TMEM163: variants seen among roughly 807,000 people sequenced by gnomAD.
TMEM163 encodes transmembrane protein 163.
In TMEM163, 17 loss-of-function variants were observed where a neutral mutation model predicts 29.3. The observed-to-expected ratio is 0.58, with a 90% CI of 0.40 to 0.87. TMEM163 has a LOEUF of 0.87. TMEM163 is among the 40% of genes least tolerant of loss of function. The pLI, the probability that TMEM163 is intolerant of heterozygous loss-of-function variation, is 0.00. For missense variants in TMEM163, 303 were observed against 381.5 expected (o/e 0.79, Z 1.71); for synonymous variants, 157 against 160.6 (o/e 0.98, Z 0.17).
Position 134,582,398 on chromosome 2 carries a change from G to A in TMEM163, c.323-30307C>T, listed in dbSNP as rs758133866. On this transcript the variant is annotated intron_variant, in intron 2 of 7. Transcript: ENST00000281924. ...AGTGCAAGTGCTCTACAAACCGCAC[G>A]CTTTTTGCAAGAGGTTGCAGTTCTC... Among the ~76,000 whole-genome samples the A allele has an allele frequency of 7.2e-5, 11 of 152,318 alleles. 1 individual carries two copies. The South Asian group carries it at 8.3e-4, about 11-fold the overall frequency.
At chr2:134,534,204 T>C (rs1207181833) in intron 4 of TMEM163, among the ~76,000 whole-genome samples, 5 of 152,102 alleles carry the variant, frequency 3.3e-5, no homozygotes, top group African/African-American at 1.2e-4. Flanking sequence ...ATGCAGCTGA[T>C]AGGACTCTGA....
At chr2:134,461,392 T>C (rs35936505) in intron 6 of TMEM163, among the ~76,000 whole-genome samples, 30,890 of 152,128 alleles carry the variant, frequency 0.2, 5,137 homozygotes, top group African/African-American at 0.44. Context: ...AACAGCAGGC[T>C]CCTGTTTCAG....
chr2:134,550,810 C>T lies in TMEM163; in HGVS notation c.367-149G>A, dbSNP rs371383511. On this transcript the variant is annotated intron_variant, in intron 3 of 7. Coordinates refer to ENST00000281924, the MANE Select transcript of TMEM163 (RefSeq NM_030923.5). Reference sequence around the variant, plus strand: ...CCCATCATTACGACGCAGCCACTTACTGCCCTCATGCCTGGGGCGTCTGGA... The same window carrying T: ...CCCATCATTACGACGCAGCCACTTATTGCCCTCATGCCTGGGGCGTCTGGA... 47 of 744,856 alleles carry T rather than the reference C, an allele frequency of 6.3e-5. 1 individual carries two copies. Among genetic ancestry groups the T allele is most frequent in the East Asian group, 4.7e-4 (17 of 35,966 alleles). The allele number at this position is 744,856 out of a possible 1,614,324, so 46.1% of individuals were successfully genotyped here. A position where few individuals can be genotyped will look rare whatever the true frequency, so the allele number is the denominator to read the frequency against.
chr2:134,597,207 T>C (rs956862143), intron 2 of TMEM163, among the ~76,000 whole-genome samples: 10 of 152,232 alleles, frequency 6.6e-5, no homozygotes, highest in Admixed American at 4.6e-4. Context: ...TCAAAGGGAA[T>C]GCTTCCAGTT....
At chr2:134,621,298 G>T (rs1201018984) in intron 2 of TMEM163, among the ~76,000 whole-genome samples, 5 of 152,154 alleles carry the variant, frequency 3.3e-5, no homozygotes, top group Non-Finnish European at 7.3e-5. Flanking sequence ...CATTAGCATG[G>T]CTATAATCAA....
At chr2:134,457,333 ACT>A (rs1225909249) in intron 7 of TMEM163, among the ~76,000 whole-genome samples, 3 of 152,182 alleles carry the variant, frequency 2.0e-5, no homozygotes, top group Admixed American at 1.3e-4. Flanking sequence ...GCGAATGGTA[ACT>A]CTGCGTCCAT....
intron 2 of TMEM163, among the ~76,000 whole-genome samples, chr2:134,699,194 C>T (rs749937836): frequency 2.0e-5 from 3 of 152,084 alleles, no homozygotes; most frequent in Admixed American, 6.6e-5. Context: ...AATCACGTAG[C>T]GTATTATAAT....
chr2:134,507,795 T>A lies in TMEM163; in HGVS notation c.459-4798A>T, dbSNP rs540775463. The stretch of plus-strand genomic sequence containing the variant: ...TTGCTTAAGCCCAGGAGGTTATGGC[T>A]ATAGTGAGCCATGATCGTGCCACTG... On this transcript the variant is annotated intron_variant, in intron 4 of 7. Coordinates refer to ENST00000281924, the MANE Select transcript of TMEM163 (RefSeq NM_030923.5). 1.8e-3 allele frequency among the ~76,000 whole-genome samples: 274 copies of A among 152,206 alleles called. 1 individual carries two copies. Among genetic ancestry groups the A allele is most frequent in the Admixed American group, 4.4e-3 (67 of 15,284 alleles).
intron 5 of TMEM163, among the ~76,000 whole-genome samples, chr2:134,487,288 G>GT (rs1238606988): frequency 6.6e-6 from 1 of 152,120 alleles, no homozygotes; most frequent in East Asian, 1.9e-4. Context: ...CAATATTCAA[G>GT]TATCATTAGC....
intron 2 of TMEM163, among the ~76,000 whole-genome samples, chr2:134,632,909 A>ATTT (rs57488299): frequency 1.6e-4 from 19 of 118,606 alleles, no homozygotes; most frequent in African/African-American, 4.9e-4. Context: ...CACCCAGCTA[A>ATTT]TTTTTTTTTT....
At chr2:134,517,731 G>A (rs964983228) in intron 4 of TMEM163, among the ~76,000 whole-genome samples, 3 of 152,164 alleles carry the variant, frequency 2.0e-5, no homozygotes, top group African/African-American at 7.2e-5. Context: ...TACTAAAACT[G>A]CAATCTAGAT....
chr2:134,555,846 C>T (rs189694336), intron 2 of TMEM163, among the ~76,000 whole-genome samples: 1 of 152,304 alleles, frequency 6.6e-6, no homozygotes, highest in East Asian at 1.9e-4. Context: ...TCCTGATTCT[C>T]CTCTGGGAAT....
chr2:134,597,606 T>A (rs1256557764), intron 2 of TMEM163, among the ~76,000 whole-genome samples: 2 of 152,202 alleles, frequency 1.3e-5, no homozygotes, highest in Non-Finnish European at 2.9e-5. Context: ...CAGGCTTTGG[T>A]ATCAGGATGA....
chr2:134,527,966 C>T (rs189411396), intron 4 of TMEM163, among the ~76,000 whole-genome samples: 9 of 152,298 alleles, frequency 5.9e-5, no homozygotes, highest in African/African-American at 1.7e-4. Context: ...TCAATGTTTA[C>T]ATGAGACAAA....
At chr2:134,579,372 T>A (rs1187217911) in intron 2 of TMEM163, among the ~76,000 whole-genome samples, 4 of 152,220 alleles carry the variant, frequency 2.6e-5, no homozygotes, top group Non-Finnish European at 2.9e-5. Flanking sequence ...TCTACAAGTA[T>A]AACTCTAAAG....
chr2:134,458,271 T>A, intron 6 of TMEM163, 98 bp from the exon 7 acceptor site: 2 of 1,454,266 alleles, frequency 1.4e-6, no homozygotes, highest in Non-Finnish European at 1.9e-6. Context: ...GAGCATGTGC[T>A]GGGAGGAATG....
intron 2 of TMEM163, among the ~76,000 whole-genome samples, chr2:134,712,844 T>A (rs1431241934): frequency 1.3e-5 from 2 of 152,172 alleles, no homozygotes; most frequent in Non-Finnish European, 2.9e-5. Flanking sequence ...TCTTCTTGCA[T>A]TAGGCTGAAA....
chr2:134,587,202 G>C (rs1218483066), intron 2 of TMEM163, among the ~76,000 whole-genome samples: 2 of 152,172 alleles, frequency 1.3e-5, no homozygotes, highest in Admixed American at 1.3e-4. Context: ...CCTGAGGTCA[G>C]GAGTTCGAGA....
intron 4 of TMEM163, among the ~76,000 whole-genome samples, chr2:134,527,217 C>T (rs1411843747): frequency 3.9e-5 from 6 of 152,246 alleles, no homozygotes; most frequent in Middle Eastern, 3.4e-3. Flanking sequence ...CTTGCCCTGA[C>T]CCCTCTGCAA....
Sources: allele counts gnomAD v4.1 joint callset (sites outside exome capture counted in the v4.1 genomes callset), GRCh38; gene constraint gnomAD v4.1.1; transcripts MANE v1.5; gene names NCBI Gene and HGNC (gene_info 2026-07-23, HGNC 2026-07-21).